Variants in ERBB4 observed in about 807,000 individuals in gnomAD.
ERBB4 encodes the protein receptor tyrosine-protein kinase erbB-4.
Under a neutral mutation model 158.0 loss-of-function variants are expected in ERBB4, and 42 were observed. The observed-to-expected ratio is 0.27, with a 90% confidence interval of 0.21 to 0.34. The LOEUF is 0.34. ERBB4 is among the 10% of genes least tolerant of loss of function. The pLI is 1.00. For missense variants in ERBB4, 1,333 were observed against 1,624.1 expected, an observed-to-expected ratio of 0.82 and a Z score of 3.08; for synonymous variants, 583 against 558.7, an observed-to-expected ratio of 1.04 and a Z score of -0.61.
At chr2:211,818,126 T>C (rs1052167687) in intron 3 of ERBB4, among the ~76,000 whole-genome samples, 1 of 152,192 alleles carries the variant, frequency 6.6e-6, no homozygotes, top group African/African-American at 2.4e-5. Context: ...TAGAAGTTGC[T>C]TCACATGTCC....
intron 2 of ERBB4, among the ~76,000 whole-genome samples, chr2:212,102,340 G>A (rs910548850): frequency 2.0e-5 from 3 of 151,372 alleles, no homozygotes; most frequent in Non-Finnish European, 4.4e-5. Context: ...CTCAATAAAC[G>A]GGGAAAACAT....
chr2:211,959,336 C>T (rs1459383799), intron 2 of ERBB4, among the ~76,000 whole-genome samples: 1 of 152,030 alleles, frequency 6.6e-6, no homozygotes, highest in Non-Finnish European at 1.5e-5. Flanking sequence ...TGATGGCTTG[C>T]CAAGAAAGAT....
chr2:211,612,263 CA>C (rs2069229657), intron 19 of ERBB4, among the ~76,000 whole-genome samples: 1 of 151,848 alleles, frequency 6.6e-6, no homozygotes, highest in Non-Finnish European at 1.5e-5. Flanking sequence ...GACAATTAAC[CA>C]AGTAGTTATT....
intron 3 of ERBB4, among the ~76,000 whole-genome samples, chr2:211,881,188 T>A (rs2078651150): frequency 6.6e-6 from 1 of 152,090 alleles, no homozygotes; most frequent in Admixed American, 6.6e-5. Context: ...AAGCAATGGC[T>A]ACCAAGAAGT....
chr2:211,997,449 A>T (rs2125270597), intron 2 of ERBB4, among the ~76,000 whole-genome samples: 1 of 152,286 alleles, frequency 6.6e-6, no homozygotes, highest in Admixed American at 6.5e-5. Flanking sequence ...ATTAAGGGAA[A>T]ACTATGTACC....
intron 4 of ERBB4, among the ~76,000 whole-genome samples, chr2:211,752,022 T>C (rs2075145179): frequency 6.6e-6 from 1 of 152,180 alleles, no homozygotes; most frequent in Non-Finnish European, 1.5e-5. Flanking sequence ...ACATCACCAG[T>C]GTATAATATC....
intron 1 of ERBB4, among the ~76,000 whole-genome samples, chr2:212,313,531 TTAATATCATA>T (rs889711365): frequency 7.0e-4 from 102 of 146,550 alleles, no homozygotes; most frequent in African/African-American, 2.4e-3. Flanking sequence ...TTCTAGTTTA[TTAATATCATA>T]TAATATGTAT....
chr2:211,894,635 C>T lies in ERBB4; in HGVS notation c.421+52795G>A, dbSNP rs184552109. Among the ~76,000 whole-genome samples, 169 of 152,144 alleles carry T rather than the reference C, an allele frequency of 1.1e-3. 1 individual carries two copies. The highest frequency in any genetic ancestry group is 3.0e-3 in the African/African-American group (124 of 41,502). On this transcript the variant is annotated intron_variant, in intron 3 of 27. Coordinates refer to ENST00000342788, the MANE Select transcript of ERBB4 (RefSeq NM_005235.3). ...CTGTCATGCACAGTTTGAAAAAATA[C>T]GCTAATAGAGTTTGAGTCTTTTGGC...
chr2:211,586,431 G>A (rs979903735), intron 19 of ERBB4, among the ~76,000 whole-genome samples: 5 of 152,238 alleles, frequency 3.3e-5, no homozygotes, highest in South Asian at 4.1e-4. Context: ...GGGAATTCAC[G>A]TTAAAAGTAC....
intron 1 of ERBB4, among the ~76,000 whole-genome samples, chr2:212,380,990 T>A (rs976179617): frequency 6.6e-6 from 1 of 151,402 alleles, no homozygotes; most frequent in African/African-American, 2.4e-5. Flanking sequence ...TTTTTCGTTT[T>A]CATTGTTTCA....
chr2:211,905,744 G>GTGTA lies in ERBB4; in HGVS notation c.421+41685_421+41686insTACA, dbSNP rs749531602. Among the ~76,000 whole-genome samples the GTGTA allele has an allele frequency of 5.6e-3, 666 of 119,366 alleles. 13 individuals are homozygous for GTGTA. Among genetic ancestry groups the GTGTA allele is most frequent in the African/African-American group, 0.015 (465 of 31,684 alleles). The allele number at this position is 119,366 out of a possible 152,430, so 78.3% of individuals were successfully genotyped here. A position where few individuals can be genotyped will look rare whatever the true frequency, so the allele number is the denominator to read the frequency against. On this transcript the variant is annotated intron_variant, in intron 3 of 27. Transcript: ENST00000342788. ...TGTGTGTATGTGTGTGCATGTGTGTGTATATATATATATATATATACTATT... is the reference window on the plus strand; with the variant it reads ...TGTGTGTATGTGTGTGCATGTGTGTGTGTATATATATATATATATATATACTATT...
intron 12 of ERBB4, among the ~76,000 whole-genome samples, chr2:211,689,508 C>T (rs73082610): frequency 0.024 from 3,620 of 152,082 alleles, 108 homozygotes; most frequent in African/African-American, 0.069. Flanking sequence ...AGAAATATAA[C>T]CTTAACATAG....
chr2:211,679,772 C>T (rs753676734), intron 12 of ERBB4, among the ~76,000 whole-genome samples: 13 of 152,110 alleles, frequency 8.5e-5, no homozygotes, highest in South Asian at 6.2e-4. Context: ...CTCCACCTCC[C>T]GGGTTTAAGC....
At chr2:212,501,781 A>T (rs1210586448) in intron 1 of ERBB4, among the ~76,000 whole-genome samples, 3 of 152,156 alleles carry the variant, frequency 2.0e-5, no homozygotes, top group Non-Finnish European at 4.4e-5. Context: ...CTTGGTGATG[A>T]TAAGATGTTA....
chr2:212,497,781 A>G (rs1318428176), intron 1 of ERBB4, among the ~76,000 whole-genome samples: 2 of 152,236 alleles, frequency 1.3e-5, no homozygotes, highest in Non-Finnish European at 2.9e-5. Flanking sequence ...TAAGGGCACA[A>G]TACAGCAGGC....
intron 1 of ERBB4, among the ~76,000 whole-genome samples, chr2:212,307,921 C>T (rs1225980102): frequency 1.3e-5 from 2 of 150,902 alleles, no homozygotes; most frequent in African/African-American, 4.8e-5. Context: ...AGCATTGCAT[C>T]TTCTCACATG....
chr2:212,048,339 T>C (rs1175673241), intron 2 of ERBB4, among the ~76,000 whole-genome samples: 2 of 152,210 alleles, frequency 1.3e-5, no homozygotes, highest in Non-Finnish European at 2.9e-5. Context: ...TTAATCATAC[T>C]AGCAGTAGTG....
intron 1 of ERBB4, among the ~76,000 whole-genome samples, chr2:212,231,287 G>A (rs4673655): frequency 2.7e-5 from 4 of 150,522 alleles, no homozygotes; most frequent in African/African-American, 7.3e-5. Context: ...GAGGGTGTCC[G>A]AAAGGAAAAA....
intron 19 of ERBB4, among the ~76,000 whole-genome samples, chr2:211,617,527 C>T (rs553644764): frequency 4.7e-4 from 72 of 152,044 alleles, no homozygotes; most frequent in African/African-American, 1.5e-3. Flanking sequence ...ATATAGATGC[C>T]GGTAGATATG....
Sources: allele counts gnomAD v4.1 joint callset (sites outside exome capture counted in the v4.1 genomes callset), GRCh38; gene constraint gnomAD v4.1.1; transcripts MANE v1.5; gene names NCBI Gene and HGNC (gene_info 2026-07-23, HGNC 2026-07-21).